FAT3: variants seen among roughly 807,000 people sequenced by gnomAD.
The protein encoded by FAT3 is FAT atypical cadherin 3.
A neutral mutation model predicts 310.2 loss-of-function variants in FAT3; 95 were observed. That is an observed-to-expected ratio of 0.31 (90% confidence interval 0.26 to 0.36). The LOEUF is 0.36. Among genes scored for constraint, FAT3 ranks in the 10% least tolerant of loss-of-function variants. The probability of loss-of-function intolerance (pLI) is 1.00; values close to 1 mark genes in which losing one functional copy is unlikely to be tolerated. For synonymous variants in FAT3, 2,314 were observed against 2,192.9 expected (o/e 1.06, Z -1.54); for missense variants, 5,408 against 5,715.6 (o/e 0.95, Z 1.74).
chr11:92,888,744 C>T lies in FAT3; in HGVS notation c.13052-445C>T, dbSNP rs190365307. Among the ~76,000 whole-genome samples, 4 of 152,294 alleles carry T rather than the reference C, an allele frequency of 2.6e-5. No homozygotes were observed. The East Asian group carries it at 7.7e-4, about 29-fold the overall frequency. On this transcript the variant is annotated intron_variant, in intron 25 of 27. Transcript: ENST00000525166. ...AGCCATCAACCCTGCAAAGGTTATC[C>T]TCTATCACTGGCATTTGGTTCAGAG...
At chr11:92,558,400 T>TTGTGTGTGTGTGTG (rs1285090598) in intron 3 of FAT3, among the ~76,000 whole-genome samples, 2 of 78,616 alleles carry the variant, frequency 2.5e-5, no homozygotes, top group Middle Eastern at 8.3e-3. Flanking sequence ...CGTGTTGTGT[T>TTGTGTGTGTGTGTG]TATGTGTGTG....
intron 21 of FAT3, among the ~76,000 whole-genome samples, chr11:92,861,711 C>A (rs2136333365): frequency 6.6e-6 from 1 of 152,346 alleles, no homozygotes; most frequent in Admixed American, 6.5e-5. Context: ...CCAGGAATAT[C>A]CACTAAGGGG....
chr11:92,519,595 TG>T (rs931804548), intron 2 of FAT3, among the ~76,000 whole-genome samples: 2 of 151,918 alleles, frequency 1.3e-5, no homozygotes, highest in Non-Finnish European at 2.9e-5. Flanking sequence ...AGCCACAGAC[TG>T]GGGGGGAAGT....
chr11:92,556,881 G>C (rs585330), intron 3 of FAT3, among the ~76,000 whole-genome samples: 2 of 151,910 alleles, frequency 1.3e-5, no homozygotes, highest in South Asian at 4.2e-4. Context: ...TACCATTTAC[G>C]TATCTGTCTC....
chr11:92,634,490 A>G (rs1458221461), intron 3 of FAT3, among the ~76,000 whole-genome samples: 2 of 152,202 alleles, frequency 1.3e-5, no homozygotes, highest in Non-Finnish European at 2.9e-5. Flanking sequence ...ACTCAGCTGG[A>G]CAATTCTTGT....
intron 3 of FAT3, among the ~76,000 whole-genome samples, chr11:92,693,594 T>C (rs977979424): frequency 6.6e-6 from 1 of 152,220 alleles, no homozygotes; most frequent in East Asian, 1.9e-4. Flanking sequence ...AACTAATTCC[T>C]CTGGGCCAGG....
At chr11:92,722,966 A>C (rs1460477045) in intron 4 of FAT3, among the ~76,000 whole-genome samples, 1 of 152,072 alleles carries the variant, frequency 6.6e-6, no homozygotes. Context: ...TGGGGGAGGG[A>C]CTGCCTTGAA....
intron 1 of FAT3, among the ~76,000 whole-genome samples, chr11:92,246,269 G>T (rs1864900305): frequency 1.3e-5 from 2 of 152,054 alleles, no homozygotes; most frequent in African/African-American, 4.8e-5. Flanking sequence ...GAGGCTACGA[G>T]GAAAACAAAT....
chr11:92,353,273 A>G lies in FAT3; in HGVS notation c.1161A>G (p.Glu387=), dbSNP rs768883233. 1 of 1,613,660 alleles carries G rather than the reference A, an allele frequency of 6.2e-7. No homozygotes were observed. The highest frequency in any genetic ancestry group is 8.5e-7 in the Non-Finnish European group (1 of 1,179,812). Residue 387 remains glutamate (E), a synonymous_variant, in exon 2 of 28, where the codon GAA becomes GAG. Transcript: ENST00000525166. ...AAGTGTACGATGTGAGCATAAGTGA[A>G]TTTTCCCCTCCTGGTGTCGTGGTTG... The part of the protein sequence containing the change: ...EKEVYDVSIS[E]FSPPGVVVAI...
rs1339396090 is a variant in FAT3, at chr11:92,381,655, T to TA, written c.3292+26251_3292+26252insA. ...GACTTTTAAGAAATAAATAGATATA[T>TA]TTTTGTTTAAGCAGGTATATAGGTA... On this transcript the variant is annotated intron_variant, in intron 2 of 27. Coordinates refer to ENST00000525166, the MANE Select transcript of FAT3 (RefSeq NM_001367949.2). Among the ~76,000 whole-genome samples, 6 of 152,342 alleles carry TA rather than the reference T, an allele frequency of 3.9e-5. No homozygotes were observed. The East Asian group carries it at 7.7e-4, about 20-fold the overall frequency.
At chr11:92,661,571 T>C (rs1001246490) in intron 3 of FAT3, among the ~76,000 whole-genome samples, 6 of 152,162 alleles carry the variant, frequency 3.9e-5, no homozygotes, top group East Asian at 3.9e-4. Flanking sequence ...CTTTTTTTTT[T>C]GCATTCTGCT....
At chr11:92,715,838 A>C (rs1211115967) in intron 4 of FAT3, among the ~76,000 whole-genome samples, 2 of 151,990 alleles carry the variant, frequency 1.3e-5, no homozygotes, top group African/African-American at 4.8e-5. Context: ...GAGAACACTG[A>C]TGATTCAAGC....
intron 15 of FAT3, 49 bp from the exon 16 acceptor site, chr11:92,836,517 T>G (rs146118409): frequency 9.4e-6 from 15 of 1,594,280 alleles, no homozygotes; most frequent in Non-Finnish European, 1.2e-5. Flanking sequence ...AATCAACCTT[T>G]GCTGCCTTAT....
chr11:92,770,615 C>G lies in FAT3; in HGVS notation c.4196-3426C>G, dbSNP rs551141567. On this transcript the variant is annotated intron_variant, in intron 6 of 27. Transcript: ENST00000525166. ...GGAAGCTGCTCACATAACACCTTCC[C>G]CTTGGTGACAACTAGATGTGGGTTG... 4.3e-4 allele frequency among the ~76,000 whole-genome samples: 66 copies of G among 152,202 alleles called. 1 individual carries two copies. The highest frequency in any genetic ancestry group is 1.5e-3 in the African/African-American group (63 of 41,520).
intron 3 of FAT3, among the ~76,000 whole-genome samples, chr11:92,586,601 A>T (rs1168449031): frequency 6.6e-6 from 1 of 151,956 alleles, no homozygotes; most frequent in Non-Finnish European, 1.5e-5. Context: ...AATCATGGCC[A>T]GGGTAATAGA....
chr11:92,852,694 A>G (rs1426374651), intron 19 of FAT3, among the ~76,000 whole-genome samples: 1 of 152,218 alleles, frequency 6.6e-6, no homozygotes, highest in Non-Finnish European at 1.5e-5. Context: ...GATATTATTC[A>G]TCTTAGAATG....
At chr11:92,720,001 G>C (rs1944816858) in intron 4 of FAT3, among the ~76,000 whole-genome samples, 1 of 152,074 alleles carries the variant, frequency 6.6e-6, no homozygotes. Context: ...CGTTTAAAGG[G>C]ATCAAGAAAT....
At chr11:92,329,523 C>A (rs1591116547) in intron 1 of FAT3, among the ~76,000 whole-genome samples, 3 of 151,680 alleles carry the variant, frequency 2.0e-5, no homozygotes. Context: ...AAATAAACTT[C>A]TTTCCTTTAT....
chr11:92,857,038 G>A (rs1189216832), intron 19 of FAT3, among the ~76,000 whole-genome samples, 176 bp from the exon 20 acceptor site: 2 of 152,158 alleles, frequency 1.3e-5, no homozygotes, highest in African/African-American at 4.8e-5. Flanking sequence ...CCCACACCAG[G>A]TGAAGCCCAT....
Sources: allele counts gnomAD v4.1 joint callset (sites outside exome capture counted in the v4.1 genomes callset), GRCh38; gene constraint gnomAD v4.1.1; transcripts MANE v1.5; gene names NCBI Gene and HGNC (gene_info 2026-07-23, HGNC 2026-07-21).